The following GAB1 variants were observed in gnomAD, a reference collection of about 807,000 sequenced individuals.
GAB1 encodes GRB2 associated binding protein 1.
GAB1 carries 19 observed loss-of-function variants against 66.5 expected under a neutral mutation model. The ratio of observed to expected loss-of-function variants is 0.29; its 90% confidence interval spans 0.20 to 0.42. The LOEUF is 0.42. Among genes scored for constraint, GAB1 ranks in the 10% least tolerant of loss-of-function variants. The probability of loss-of-function intolerance (pLI) is 1.00; values close to 1 mark genes in which losing one functional copy is unlikely to be tolerated. For synonymous variants in GAB1, 294 were observed against 301.4 expected, an observed-to-expected ratio of 0.98 and a Z score of 0.25; for missense variants, 732 against 858.5, an observed-to-expected ratio of 0.85 and a Z score of 1.84.
chr4:143,433,979 T>A (rs1267634328), intron 3 of GAB1: 1 of 666,378 alleles, frequency 1.5e-6, no homozygotes, highest in Non-Finnish European at 2.4e-6. Flanking sequence ...TGGAAATCTG[T>A]CTCCTATTTT....
At chr4:143,465,174 G>A (rs1457931342) in intron 8 of GAB1, among the ~76,000 whole-genome samples, 1 of 152,174 alleles carries the variant, frequency 6.6e-6, no homozygotes, top group African/African-American at 2.4e-5. Flanking sequence ...ATAGAACCCT[G>A]TTGTAATTAG....
At chr4:143,418,086 G>T (rs1732792362) in intron 2 of GAB1, among the ~76,000 whole-genome samples, 1 of 152,238 alleles carries the variant, frequency 6.6e-6, no homozygotes, top group Non-Finnish European at 1.5e-5. Context: ...GGTTTGCCCA[G>T]TGGGGTCGGG....
At chr4:143,397,294 CAAAA>C (rs1731498804) in intron 1 of GAB1, among the ~76,000 whole-genome samples, 2 of 152,142 alleles carry the variant, frequency 1.3e-5, no homozygotes, top group Admixed American at 6.5e-5. Context: ...TCAGAGCACA[CAAAA>C]AGGTTAATCC....
At chr4:143,454,821 G>A (rs1040681599) in intron 6 of GAB1, among the ~76,000 whole-genome samples, 1 of 152,026 alleles carries the variant, frequency 6.6e-6, no homozygotes, top group Non-Finnish European at 1.5e-5. Flanking sequence ...GCTGTTGTCT[G>A]TCTTCTGTCC....
intron 1 of GAB1, among the ~76,000 whole-genome samples, chr4:143,348,714 G>A (rs904429773): frequency 9.2e-5 from 14 of 152,276 alleles, no homozygotes; most frequent in Admixed American, 5.9e-4. Context: ...TTTGCTCTTC[G>A]GAGTGCCTCT....
At chr4:143,364,949 G>C (rs963831420) in intron 1 of GAB1, among the ~76,000 whole-genome samples, 2 of 147,230 alleles carry the variant, frequency 1.4e-5, no homozygotes, top group South Asian at 2.2e-4. Context: ...GCTATCTCGG[G>C]TCACTGCAAG....
At chr4:143,401,730 T>C (rs1044567200) in intron 1 of GAB1, among the ~76,000 whole-genome samples, 3 of 152,202 alleles carry the variant, frequency 2.0e-5, no homozygotes, top group Non-Finnish European at 4.4e-5. Flanking sequence ...AAAGATACAT[T>C]CATCCTTATT....
In GAB1 at chr4:143,439,997, T is replaced by A; in HGVS notation, c.1282-82T>A. 6.4e-6 allele frequency: 9 copies of A among 1,414,936 alleles called. No individual in the cohort carries two copies. The South Asian group carries it at 1.1e-4, about 17-fold the overall frequency. 87.6% of individuals were successfully genotyped at this position (1,414,936 alleles called of 1,614,324 possible). A position where few individuals can be genotyped will look rare whatever the true frequency, so the allele number is the denominator to read the frequency against. ...TGAAATAAAAGTACGCTGAGATCCA[T>A]ATGAATGAGTGTGACTTACAATTGT... On this transcript the variant is annotated intron_variant, in intron 5 of 9. Transcript: ENST00000262994.
At chr4:143,399,980 C>T (rs1371551834) in intron 1 of GAB1, among the ~76,000 whole-genome samples, 1 of 150,004 alleles carries the variant, frequency 6.7e-6, no homozygotes, top group Non-Finnish European at 1.5e-5. Context: ...CACCTGTCAC[C>T]CAGGCTGGAG....
At chr4:143,384,851 A>G (rs1003729526) in intron 1 of GAB1, among the ~76,000 whole-genome samples, 2 of 152,228 alleles carry the variant, frequency 1.3e-5, no homozygotes, top group African/African-American at 2.4e-5. Context: ...AAGTCTTTCA[A>G]AGGAATCTGA....
intron 6 of GAB1, among the ~76,000 whole-genome samples, chr4:143,445,217 A>G (rs778680401): frequency 8.5e-5 from 13 of 152,202 alleles, no homozygotes; most frequent in Non-Finnish European, 1.8e-4. Flanking sequence ...CCAGCAGTAT[A>G]TAAGCATTCC....
At chr4:143,411,757 C>G (rs2149713011) in intron 1 of GAB1, among the ~76,000 whole-genome samples, 1 of 152,324 alleles carries the variant, frequency 6.6e-6, no homozygotes, top group East Asian at 1.9e-4. Context: ...TGTCGAGCAT[C>G]AAGCTTTATT....
chr4:143,377,199 A>AT, intron 1 of GAB1, among the ~76,000 whole-genome samples: 1 of 152,038 alleles, frequency 6.6e-6, no homozygotes, highest in Non-Finnish European at 1.5e-5. Flanking sequence ...GGATGAATCC[A>AT]TTTTTAATAA....
intron 1 of GAB1, among the ~76,000 whole-genome samples, chr4:143,344,269 G>T (rs578200728): frequency 7.2e-5 from 11 of 152,176 alleles, no homozygotes; most frequent in Middle Eastern, 3.4e-3. Flanking sequence ...GCTCGTGTTG[G>T]GGGGGAGAGA....
At chr4:143,337,826 T>C (rs1328304034) in intron 1 of GAB1, among the ~76,000 whole-genome samples, 1 of 152,168 alleles carries the variant, frequency 6.6e-6, no homozygotes, top group African/African-American at 2.4e-5. Flanking sequence ...AGAAAAGTTA[T>C]TACGCGCCCT....
intron 1 of GAB1, among the ~76,000 whole-genome samples, chr4:143,393,767 C>T (rs1321037209): frequency 6.6e-6 from 1 of 151,994 alleles, no homozygotes; most frequent in Non-Finnish European, 1.5e-5. Context: ...AAGAGAGGCC[C>T]ATAGTCAAAT....
chr4:143,348,658 A>ATT (rs1729066264), intron 1 of GAB1, among the ~76,000 whole-genome samples: 1 of 152,182 alleles, frequency 6.6e-6, no homozygotes. Context: ...TGAAATACCA[A>ATT]TCTGATAATG....
intron 6 of GAB1, among the ~76,000 whole-genome samples, chr4:143,457,371 C>A (rs1007207968): frequency 3.3e-5 from 5 of 152,130 alleles, no homozygotes; most frequent in South Asian, 2.1e-4. Flanking sequence ...CACATATTTT[C>A]CCTCTGTTCC....
chr4:143,350,013 GC>G, intron 1 of GAB1: 1 of 1,563,420 alleles, frequency 6.4e-7, no homozygotes. Context: ...CGCGACCCCG[GC>G]CCCGGATGCC....
Sources: gnomAD v4.1 joint callset for allele counts (sites outside exome capture counted in the v4.1 genomes callset) on GRCh38, gnomAD v4.1.1 for gene constraint, MANE v1.5 for transcripts, NCBI Gene and HGNC (gene_info 2026-07-23, HGNC 2026-07-21) for gene names.